Variants in CNTN5 observed in about 807,000 individuals in gnomAD.
CNTN5 encodes the protein contactin 5, also known as contactin-5.
In CNTN5, 77 loss-of-function variants were observed where a neutral mutation model predicts 129.1. That is an observed-to-expected ratio of 0.60 (90% CI 0.50 to 0.72). CNTN5 has a LOEUF of 0.72. Among genes scored for constraint, CNTN5 ranks in the 30% least tolerant of loss-of-function variants. The pLI, the probability that CNTN5 is intolerant of heterozygous loss-of-function variation, is 0.00. For synonymous variants in CNTN5, 509 were observed against 465.6 expected, an observed-to-expected ratio of 1.09 and a Z score of -1.20; for missense variants, 1,478 against 1,328.8, an observed-to-expected ratio of 1.11 and a Z score of -1.75.
chr11:99,727,017 C>G (rs1378663674), intron 3 of CNTN5, among the ~76,000 whole-genome samples: 1 of 152,018 alleles, frequency 6.6e-6, no homozygotes, highest in Non-Finnish European at 1.5e-5. Context: ...TATAAAATTC[C>G]AGGGCATGGC....
intron 3 of CNTN5, among the ~76,000 whole-genome samples, chr11:99,591,447 C>T (rs1338774149): frequency 6.7e-6 from 1 of 148,208 alleles, no homozygotes; most frequent in East Asian, 2.0e-4. Flanking sequence ...GAGCAATTCT[C>T]CTGCCTCAGC....
chr11:99,311,651 A>T (rs1385245543), intron 1 of CNTN5, among the ~76,000 whole-genome samples: 1 of 152,184 alleles, frequency 6.6e-6, no homozygotes, highest in Non-Finnish European at 1.5e-5. Context: ...TTAATGTCAA[A>T]TTTATTTTCA....
At chr11:99,090,877 C>CCCGTCG (rs1236092460) in intron 1 of CNTN5, among the ~76,000 whole-genome samples, 2 of 151,776 alleles carry the variant, frequency 1.3e-5, no homozygotes, top group Non-Finnish European at 2.9e-5. Flanking sequence ...AAAAAATTAG[C>CCCGTCG]CCGTCGCGGT....
Position 100,335,025 on chromosome 11 carries a change from C to A in CNTN5, c.2731-5438C>A, listed in dbSNP as rs542623482. Among the ~76,000 whole-genome samples, 5 of 148,316 alleles carry A rather than the reference C, an allele frequency of 3.4e-5. No individual in the cohort carries two copies. The East Asian group carries it at 9.9e-4, about 29-fold the overall frequency. On this transcript the variant is annotated intron_variant, in intron 21 of 24. Transcript: ENST00000524871. ...GTTGATAAGATGATGTGTTGTTGTACATTCATCCATTATAGCAAATGTACT... is the reference window on the plus strand; with the variant it reads ...GTTGATAAGATGATGTGTTGTTGTAAATTCATCCATTATAGCAAATGTACT...
At chr11:100,086,774 A>G (rs1944573949) in intron 13 of CNTN5, among the ~76,000 whole-genome samples, 1 of 151,532 alleles carries the variant, frequency 6.6e-6, no homozygotes, top group African/African-American at 2.4e-5. Flanking sequence ...GTTTAACTAT[A>G]TCAATACAAG....
chr11:99,072,611 C>CT (rs1444594750), intron 1 of CNTN5, among the ~76,000 whole-genome samples: 1 of 151,956 alleles, frequency 6.6e-6, no homozygotes, highest in Non-Finnish European at 1.5e-5. Flanking sequence ...TCTTCCTCAC[C>CT]TAGAGGTTAG....
At chr11:99,705,772 A>C (rs1954728676) in intron 3 of CNTN5, among the ~76,000 whole-genome samples, 1 of 151,456 alleles carries the variant, frequency 6.6e-6, no homozygotes, top group Non-Finnish European at 1.5e-5. Context: ...TTTGAAAAAC[A>C]GTTTTTAATT....
chr11:100,068,361 A>G (rs1011456143), intron 10 of CNTN5, among the ~76,000 whole-genome samples: 2 of 152,142 alleles, frequency 1.3e-5, no homozygotes, highest in Non-Finnish European at 1.5e-5. Flanking sequence ...TGAGGCTGTG[A>G]TTAATACCTC....
intron 2 of CNTN5, among the ~76,000 whole-genome samples, chr11:99,359,392 T>C (rs1418902511): frequency 6.6e-6 from 1 of 151,930 alleles, no homozygotes; most frequent in Non-Finnish European, 1.5e-5. Context: ...AGACCCCACC[T>C]CCTAATACTA....
chr11:100,165,916 A>C (rs1947616656), intron 13 of CNTN5, among the ~76,000 whole-genome samples: 1 of 151,816 alleles, frequency 6.6e-6, no homozygotes, highest in Non-Finnish European at 1.5e-5. Flanking sequence ...AAGCTAGGAC[A>C]TAACTAAGGA....
chr11:99,092,053 C>A (rs1591177119), intron 1 of CNTN5, among the ~76,000 whole-genome samples: 1 of 151,950 alleles, frequency 6.6e-6, no homozygotes, highest in African/African-American at 2.4e-5. Flanking sequence ...TTTTCTTCCC[C>A]AATTTTGCAA....
intron 15 of CNTN5, among the ~76,000 whole-genome samples, chr11:100,219,083 C>T (rs551453018): frequency 7.9e-5 from 12 of 152,184 alleles, no homozygotes; most frequent in Non-Finnish European, 1.0e-4. Flanking sequence ...TACTTTTCTC[C>T]GGACTAAGCC....
chr11:99,693,643 A>T (rs972243275), intron 3 of CNTN5, among the ~76,000 whole-genome samples: 2 of 152,102 alleles, frequency 1.3e-5, no homozygotes, highest in Non-Finnish European at 2.9e-5. Flanking sequence ...CTGCAAACAT[A>T]ATACCCAAAT....
At chr11:100,018,032 CATTT>C (rs1940930000) in intron 9 of CNTN5, among the ~76,000 whole-genome samples, 1 of 151,842 alleles carries the variant, frequency 6.6e-6, no homozygotes. Flanking sequence ...TATTCTAATA[CATTT>C]TCCGTGACTT....
At chr11:100,070,265 A>G in intron 10 of CNTN5, 159 bp from the exon 11 acceptor site, 2 of 580,702 alleles carry the variant, frequency 3.4e-6, no homozygotes, top group South Asian at 6.9e-5. Flanking sequence ...TACAGGAAAT[A>G]GAATTTTGTG....
chr11:99,547,422 AG>A (rs1428702988), intron 2 of CNTN5, among the ~76,000 whole-genome samples: 2 of 152,224 alleles, frequency 1.3e-5, no homozygotes, highest in African/African-American at 2.4e-5. Flanking sequence ...CTAAAAATTT[AG>A]GTTTCTGTTT....
intron 9 of CNTN5, among the ~76,000 whole-genome samples, chr11:100,028,628 G>A (rs1381413739): frequency 1.3e-5 from 2 of 152,110 alleles, no homozygotes; most frequent in African/African-American, 4.8e-5. Context: ...ATCCAAGTAT[G>A]CTTGCATTCT....
At chr11:100,319,736 C>T (rs1039053451) in intron 21 of CNTN5, among the ~76,000 whole-genome samples, 1 of 152,138 alleles carries the variant, frequency 6.6e-6, no homozygotes, top group Admixed American at 6.5e-5. Flanking sequence ...CTGATAAACA[C>T]CATTTTGCTC....
chr11:99,465,659 G>T (rs937211833), intron 2 of CNTN5, among the ~76,000 whole-genome samples: 1 of 151,264 alleles, frequency 6.6e-6, no homozygotes, highest in Non-Finnish European at 1.5e-5. Context: ...AAGCTGTATT[G>T]GTCTGTTCTT....
Sources: gnomAD v4.1 joint callset for allele counts (sites outside exome capture counted in the v4.1 genomes callset) on GRCh38, gnomAD v4.1.1 for gene constraint, MANE v1.5 for transcripts, NCBI Gene and HGNC (gene_info 2026-07-23, HGNC 2026-07-21) for gene names.